The following NOX4 variants were observed in gnomAD, a reference collection of about 807,000 sequenced individuals.
NOX4 encodes NADPH oxidase 4, also known as kidney oxidase-1.
In NOX4, 69 loss-of-function variants were observed where a neutral mutation model predicts 87.6. The ratio of observed to expected loss-of-function variants is 0.79; its 90% CI spans 0.65 to 0.96. The LOEUF (loss-of-function observed/expected upper bound fraction) is 0.96, where lower values mean the gene tolerates loss of function less well. Among genes scored for constraint, NOX4 ranks in the 40% least tolerant of loss-of-function variants. NOX4 has a pLI of 0.00. For missense variants in NOX4, 680 were observed against 681.5 expected (o/e 1.00, Z 0.02); for synonymous variants, 275 against 238.2 (o/e 1.15, Z -1.42).
At position 89,490,449 on chromosome 11, in the gene NOX4, C is replaced by T. The variant is rs763144606; in HGVS notation, c.153+9G>A. 8 of 1,591,046 alleles carry T rather than the reference C, an allele frequency of 5.0e-6. No homozygotes were observed. The South Asian group carries it at 6.6e-5, about 13-fold the overall frequency. Reference sequence around the variant, plus strand: ...ATTCCACCAGATTATCCAAGTTCACCTTACTTACCCCCAACATCTGGTGGA... The same window carrying T: ...ATTCCACCAGATTATCCAAGTTCACTTTACTTACCCCCAACATCTGGTGGA... On this transcript the variant is annotated intron_variant, in intron 2 of 17. Coordinates refer to ENST00000263317, the MANE Select transcript of NOX4 (RefSeq NM_016931.5).
At chr11:89,533,107 C>T in the NOX4 span, among the ~76,000 whole-genome samples, 1 of 152,088 alleles carries the variant, frequency 6.6e-6, no homozygotes, top group Non-Finnish European at 1.5e-5. Context: ...CTATGTGTCT[C>T]AAATTATGAA....
At chr11:89,431,346 T>G (rs1943769993) in intron 7 of NOX4, among the ~76,000 whole-genome samples, 1 of 151,734 alleles carries the variant, frequency 6.6e-6, no homozygotes, top group Admixed American at 6.6e-5. Context: ...AAAGCCAAAA[T>G]TGAAAATGGG....
chr11:89,522,513 G>T, the NOX4 span, among the ~76,000 whole-genome samples: 1 of 152,036 alleles, frequency 6.6e-6, no homozygotes, highest in Non-Finnish European at 1.5e-5. Context: ...GGAGTGCCAA[G>T]GTTTGAAAAA....
chr11:89,437,873 T>C (rs1735453000), intron 6 of NOX4, among the ~76,000 whole-genome samples: 3 of 152,012 alleles, frequency 2.0e-5, no homozygotes, highest in Admixed American at 1.3e-4. Context: ...CATGTGCACA[T>C]CCTCTCACAT....
At chr11:89,432,697 C>G in intron 7 of NOX4, 87 bp downstream of exon 7, 3 of 926,128 alleles carry the variant, frequency 3.2e-6, no homozygotes, top group Admixed American at 1.9e-5. Context: ...AACCAGGACA[C>G]TACAATGGTT....
rs541103979 is a variant in NOX4 at position 89,356,421 on chromosome 11, G to C, written c.1136-1378C>G. On this transcript the variant is annotated intron_variant, in intron 12 of 17. Coordinates refer to ENST00000263317, the MANE Select transcript of NOX4 (RefSeq NM_016931.5). ...AGAAAATAGGAGGGGGAGGGGAAGA[G>C]GAAGGGGGAAAAAAAAAGGACAAAG... Among the ~76,000 whole-genome samples, 4 of 108,714 alleles carry C rather than the reference G, an allele frequency of 3.7e-5. No individual in the cohort carries two copies. The East Asian group carries it at 8.5e-4, about 23-fold the overall frequency. 71.3% of individuals were successfully genotyped at this position (108,714 alleles called of 152,430 possible). A position where few individuals can be genotyped will look rare whatever the true frequency, so the allele number is the denominator to read the frequency against.
chr11:89,587,866 C>G, the NOX4 span, among the ~76,000 whole-genome samples: 37 of 152,160 alleles, frequency 2.4e-4, no homozygotes, highest in East Asian at 7.0e-3. Context: ...CACTGGAGAA[C>G]AGATGGCCAC....
intron 12 of NOX4, among the ~76,000 whole-genome samples, chr11:89,367,925 T>C (rs115630633): frequency 0.015 from 2,294 of 152,132 alleles, 56 homozygotes; most frequent in African/African-American, 0.052. Flanking sequence ...CTCCGTGGAA[T>C]AATCCCCCAC....
chr11:89,393,824 G>C (rs1409065720), intron 11 of NOX4, among the ~76,000 whole-genome samples: 1 of 152,148 alleles, frequency 6.6e-6, no homozygotes, highest in African/African-American at 2.4e-5. Context: ...GAAGTAACAA[G>C]TGAGGGATCT....
chr11:89,333,227 AAAG>A (rs1189069976), intron 17 of NOX4, among the ~76,000 whole-genome samples: 4 of 151,844 alleles, frequency 2.6e-5, no homozygotes, highest in Non-Finnish European at 4.4e-5. Context: ...TCCATGATCA[AAAG>A]AAGCACATCA....
intron 11 of NOX4, among the ~76,000 whole-genome samples, chr11:89,388,179 C>T (rs1591086500): frequency 6.6e-6 from 1 of 152,130 alleles, no homozygotes; most frequent in South Asian, 2.1e-4. Context: ...ATCTCATAAA[C>T]GATCTATGTT....
At chr11:89,345,553 C>G (rs1946180434) in intron 13 of NOX4, among the ~76,000 whole-genome samples, 1 of 152,138 alleles carries the variant, frequency 6.6e-6, no homozygotes, top group Non-Finnish European at 1.5e-5. Flanking sequence ...GCATTCAATA[C>G]AGGTAGGTAA....
At chr11:89,400,677 T>C (rs551844593) in intron 9 of NOX4, among the ~76,000 whole-genome samples, 1 of 151,860 alleles carries the variant, frequency 6.6e-6, no homozygotes, top group Non-Finnish European at 1.5e-5. Flanking sequence ...CCTACAGATA[T>C]GTAATGTATA....
At chr11:89,471,003 C>A (rs1156228697) in intron 2 of NOX4, among the ~76,000 whole-genome samples, 2 of 152,102 alleles carry the variant, frequency 1.3e-5, no homozygotes, top group African/African-American at 4.8e-5. Flanking sequence ...CTTTCAGTCA[C>A]AAAGAAAGTG....
intron 7 of NOX4, among the ~76,000 whole-genome samples, chr11:89,426,102 A>C (rs979439708): frequency 6.6e-6 from 1 of 152,206 alleles, no homozygotes; most frequent in Non-Finnish European, 1.5e-5. Flanking sequence ...CTTAACTATA[A>C]GAATCAATAT....
At chr11:89,432,552 GA>G (rs1219568859) in intron 7 of NOX4, among the ~76,000 whole-genome samples, 4 of 152,036 alleles carry the variant, frequency 2.6e-5, no homozygotes, top group Middle Eastern at 3.4e-3. Context: ...TAATTCTTTT[GA>G]TCATCAAATG....
intron 2 of NOX4, among the ~76,000 whole-genome samples, chr11:89,455,543 G>A (rs1565314757): frequency 6.6e-6 from 1 of 152,014 alleles, no homozygotes; most frequent in Non-Finnish European, 1.5e-5. Flanking sequence ...GCTCTGATAA[G>A]CATTTTATTT....
At chr11:89,427,019 CA>C (rs1302162564) in intron 7 of NOX4, among the ~76,000 whole-genome samples, 1 of 152,134 alleles carries the variant, frequency 6.6e-6, no homozygotes, top group Non-Finnish European at 1.5e-5. Context: ...CCCTCTGAGA[CA>C]AAGCTTCCAG....
At chr11:89,508,408 C>A in the NOX4 span, among the ~76,000 whole-genome samples, 1 of 152,036 alleles carries the variant, frequency 6.6e-6, no homozygotes, top group South Asian at 2.1e-4. Flanking sequence ...ATTTTAATCA[C>A]CAGTAACTCT....
Sources: gnomAD v4.1 joint callset for allele counts (sites outside exome capture counted in the v4.1 genomes callset) on GRCh38, gnomAD v4.1.1 for gene constraint, MANE v1.5 for transcripts, NCBI Gene and HGNC (gene_info 2026-07-23, HGNC 2026-07-21) for gene names.